PRKN: variants seen among roughly 807,000 people sequenced by gnomAD.
The protein encoded by PRKN is E3 ubiquitin-protein ligase parkin.
In PRKN, 56 loss-of-function variants were observed where a neutral mutation model predicts 59.5. The observed-to-expected ratio is 0.94, with a 90% confidence interval of 0.76 to 1.18. The LOEUF (loss-of-function observed/expected upper bound fraction) is 1.18. Among genes scored for constraint, PRKN ranks in the 50% most tolerant of loss-of-function variants. The pLI is 0.00. For synonymous variants in PRKN, 250 were observed against 222.1 expected (o/e 1.13, Z -1.12); for missense variants, 657 against 596.4 (o/e 1.10, Z -1.06).
intron 5 of PRKN, among the ~76,000 whole-genome samples, chr6:162,047,309 G>A (rs1784290104): frequency 6.6e-6 from 1 of 152,118 alleles, no homozygotes; most frequent in Admixed American, 6.5e-5. Flanking sequence ...TGACCACAGT[G>A]GGACCCCTCA....
intron 2 of PRKN, among the ~76,000 whole-genome samples, chr6:162,413,966 G>T (rs1300168499): frequency 6.6e-6 from 1 of 152,094 alleles, no homozygotes; most frequent in Non-Finnish European, 1.5e-5. Context: ...TGGATCACTT[G>T]AGGTCAAGAA....
chr6:161,688,104 A>G (rs1243350993), intron 7 of PRKN, among the ~76,000 whole-genome samples: 1 of 152,048 alleles, frequency 6.6e-6, no homozygotes, highest in African/African-American at 2.4e-5. Context: ...CCTTCTTGTC[A>G]CTTCCAACTC....
chr6:162,648,803 G>T (rs1778300487), intron 1 of PRKN, among the ~76,000 whole-genome samples: 2 of 152,140 alleles, frequency 1.3e-5, no homozygotes, highest in African/African-American at 4.8e-5. Flanking sequence ...TAACTTAGCT[G>T]GGCTCTGGTG....
In PRKN at chr6:161,715,896, C is replaced by T. The variant is rs555905065; in HGVS notation, c.871+69876G>A. 9.9e-4 allele frequency among the ~76,000 whole-genome samples: 151 copies of T among 152,288 alleles called. 1 individual carries two copies. The Middle Eastern group carries it at 0.02, about 21-fold the overall frequency. Reference sequence around the variant, plus strand: ...AGCAGTAGCTCTCAGGGACTCCACACCAGCACCATCAGCAACATCTATGAA... The same window carrying T: ...AGCAGTAGCTCTCAGGGACTCCACATCAGCACCATCAGCAACATCTATGAA... On this transcript the variant is annotated intron_variant, in intron 7 of 11. Transcript: ENST00000366898.
intron 1 of PRKN, among the ~76,000 whole-genome samples, chr6:162,669,466 A>G (rs1439675551): frequency 2.6e-5 from 4 of 152,162 alleles, no homozygotes; most frequent in African/African-American, 9.6e-5. Flanking sequence ...ACCCTTTGTT[A>G]CTTGAATACG....
chr6:162,602,825 A>G (rs1583887338), intron 1 of PRKN, among the ~76,000 whole-genome samples: 2 of 152,164 alleles, frequency 1.3e-5, no homozygotes, highest in Admixed American at 1.3e-4. Flanking sequence ...AAAAGCAGAG[A>G]GTGGCCTTTT....
chr6:162,211,622 G>T, intron 3 of PRKN, among the ~76,000 whole-genome samples: 1 of 152,278 alleles, frequency 6.6e-6, no homozygotes, highest in South Asian at 2.1e-4. Context: ...CACGGTGTGA[G>T]CCTCCAAACT....
intron 2 of PRKN, among the ~76,000 whole-genome samples, chr6:162,442,491 G>A (rs1306128857): frequency 1.3e-5 from 2 of 152,092 alleles, no homozygotes; most frequent in Non-Finnish European, 1.5e-5. Flanking sequence ...CCCAACAAAG[G>A]ACGGGTCTCT....
intron 2 of PRKN, among the ~76,000 whole-genome samples, chr6:162,368,796 C>G (rs1785593156): frequency 6.6e-6 from 1 of 152,170 alleles, no homozygotes; most frequent in African/African-American, 2.4e-5. Context: ...ATTGATATAG[C>G]ATAATTTGTG....
intron 1 of PRKN, among the ~76,000 whole-genome samples, chr6:162,530,730 A>C (rs942846413): frequency 6.6e-6 from 1 of 152,186 alleles, no homozygotes; most frequent in Non-Finnish European, 1.5e-5. Context: ...CAAATGACAG[A>C]GACTCGCATC....
At chr6:162,276,930 T>C (rs1340204308) in intron 2 of PRKN, among the ~76,000 whole-genome samples, 1 of 151,962 alleles carries the variant, frequency 6.6e-6, no homozygotes, top group Non-Finnish European at 1.5e-5. Flanking sequence ...CTGGCCAAGT[T>C]TGGGAAAATA....
intron 7 of PRKN, among the ~76,000 whole-genome samples, chr6:161,737,630 T>G (rs905018678): frequency 2.6e-5 from 4 of 152,210 alleles, no homozygotes; most frequent in African/African-American, 9.6e-5. Context: ...TATTCCCATT[T>G]GAAAACTGTG....
intron 9 of PRKN, among the ~76,000 whole-genome samples, chr6:161,455,911 A>G (rs1317447020): frequency 1.3e-5 from 2 of 152,102 alleles, no homozygotes; most frequent in Non-Finnish European, 2.9e-5. Flanking sequence ...ACATATACAC[A>G]TACTTTAACT....
chr6:161,644,221 G>T (rs1783843700), intron 7 of PRKN, among the ~76,000 whole-genome samples: 1 of 152,090 alleles, frequency 6.6e-6, no homozygotes, highest in Admixed American at 6.6e-5. Context: ...CAAATTCCCT[G>T]ACCCAAACTA....
chr6:162,054,067 G>C (rs756563827), intron 5 of PRKN, 24 bp downstream of exon 5: 1 of 1,420,486 alleles, frequency 7.0e-7, no homozygotes, highest in Non-Finnish European at 1.0e-6. Flanking sequence ...GCAATAAGAG[G>C]AATGAATGTG....
chr6:162,009,728 G>C (rs1389085084), intron 5 of PRKN, among the ~76,000 whole-genome samples: 1 of 151,766 alleles, frequency 6.6e-6, no homozygotes. Context: ...TTGAAGTCAG[G>C]AGTGTGAAAC....
At chr6:162,513,225 G>C in intron 1 of PRKN, among the ~76,000 whole-genome samples, 1 of 152,052 alleles carries the variant, frequency 6.6e-6, no homozygotes, top group East Asian at 1.9e-4. Context: ...ATGCCTATAA[G>C]CCCAGCACTT....
intron 7 of PRKN, among the ~76,000 whole-genome samples, chr6:161,684,267 C>CTT (rs200505152): frequency 1.3e-5 from 2 of 151,872 alleles, no homozygotes; most frequent in South Asian, 4.2e-4. Context: ...ATTATTACAA[C>CTT]TTTTTTTTGT....
chr6:162,212,273 T>G (rs1436642104), intron 3 of PRKN, among the ~76,000 whole-genome samples: 3 of 151,964 alleles, frequency 2.0e-5, no homozygotes, highest in African/African-American at 7.3e-5. Flanking sequence ...AAGTCAGCAA[T>G]CCCCCGAGAT....
Sources: gnomAD v4.1 joint callset for allele counts (sites outside exome capture counted in the v4.1 genomes callset) on GRCh38, gnomAD v4.1.1 for gene constraint, MANE v1.5 for transcripts, NCBI Gene and HGNC (gene_info 2026-07-23, HGNC 2026-07-21) for gene names.